ROBO1: variants seen among roughly 807,000 people sequenced by gnomAD.
ROBO1 encodes roundabout homolog 1.
Under a neutral mutation model 195.9 loss-of-function variants are expected in ROBO1, and 149 were observed. That is an observed-to-expected ratio of 0.76 (90% CI 0.67 to 0.87). The LOEUF (loss-of-function observed/expected upper bound fraction) is 0.87, where lower values mean the gene tolerates loss of function less well. Ranked by LOEUF, ROBO1 falls within the 40% of genes least tolerant of loss-of-function variation. ROBO1 has a pLI of 0.00. For missense variants in ROBO1, 1,933 were observed against 2,068.3 expected, an observed-to-expected ratio of 0.93 and a Z score of 1.27; for synonymous variants, 816 against 733.2, an observed-to-expected ratio of 1.11 and a Z score of -1.82.
At chr3:79,310,418 C>T (rs897729223) in intron 2 of ROBO1, among the ~76,000 whole-genome samples, 1 of 152,202 alleles carries the variant, frequency 6.6e-6, no homozygotes, top group Non-Finnish European at 1.5e-5. Context: ...TCACTTATCA[C>T]TGGCAGTTGA....
intron 4 of ROBO1, among the ~76,000 whole-genome samples, chr3:78,757,446 C>G (rs1160920826): frequency 6.6e-6 from 1 of 151,678 alleles, no homozygotes; most frequent in African/African-American, 2.4e-5. Flanking sequence ...CACACACACA[C>G]ACACACACAC....
chr3:79,636,901 T>C (rs1391327122), intron 1 of ROBO1, among the ~76,000 whole-genome samples: 2 of 152,346 alleles, frequency 1.3e-5, no homozygotes, highest in Middle Eastern at 3.4e-3. Context: ...TTGTAAATTA[T>C]ATGTCCTCAC....
Position 79,128,158 on chromosome 3 carries a change from C to A in ROBO1, c.89-2619G>T, listed in dbSNP as rs1469247029. On this transcript the variant is annotated intron_variant, in intron 2 of 30. Transcript: ENST00000464233. ...ATGCGAGCTATGGACTAGAAGATAG[C>A]AAGGAAGAGACTATTGTGTGTTTAC... Among the ~76,000 whole-genome samples the A allele has an allele frequency of 4.6e-5, 7 of 152,198 alleles. No individual in the cohort carries two copies. In the East Asian group the frequency reaches 1.4e-3, roughly 29 times the overall value.
At chr3:79,270,821 C>G (rs2030483017) in intron 2 of ROBO1, among the ~76,000 whole-genome samples, 2 of 152,018 alleles carry the variant, frequency 1.3e-5, no homozygotes, top group South Asian at 2.1e-4. Context: ...AAGAGAATGG[C>G]TTTTTCGGCT....
rs536948428 is a variant in ROBO1, at chr3:79,060,151, C to T, written c.172+65305G>A. ...GTCTCCTGCAGCATCCCCAGGCTTG[C>T]TAGGATTGAGAAATTCCAGCCTGGT... On this transcript the variant is annotated intron_variant, in intron 3 of 30. Coordinates refer to ENST00000464233, the MANE Select transcript of ROBO1 (RefSeq NM_002941.4). Among the ~76,000 whole-genome samples the T allele has an allele frequency of 5.9e-5, 9 of 152,082 alleles. No individual in the cohort carries two copies. The East Asian group carries it at 9.7e-4, about 16-fold the overall frequency.
At chr3:79,544,491 A>G (rs1942190062) in intron 2 of ROBO1, among the ~76,000 whole-genome samples, 1 of 152,010 alleles carries the variant, frequency 6.6e-6, no homozygotes, top group Non-Finnish European at 1.5e-5. Flanking sequence ...AGTGTTTTCA[A>G]ATAACAATAT....
chr3:78,731,352 G>A (rs1435124664), intron 5 of ROBO1, among the ~76,000 whole-genome samples: 2 of 152,128 alleles, frequency 1.3e-5, no homozygotes, highest in Admixed American at 6.5e-5. Context: ...CATATAAACC[G>A]ATCTTAAGAG....
At chr3:78,838,726 T>A (rs2032947013) in intron 4 of ROBO1, among the ~76,000 whole-genome samples, 1 of 152,176 alleles carries the variant, frequency 6.6e-6, no homozygotes, top group South Asian at 2.1e-4. Flanking sequence ...AACAATGGGA[T>A]CAAAGTCCAA....
rs186459709 is a variant in ROBO1, at chr3:78,598,784, G to A, written c.*129C>T. On this transcript the variant is annotated 3_prime_UTR_variant, in exon 31 of 31. Coordinates refer to ENST00000464233, the MANE Select transcript of ROBO1 (RefSeq NM_002941.4). ...AGTTTTTAAAATGATATCCCAATAA[G>A]AGGAATAAAAACGACAATTTGTACA... The A allele has an allele frequency of 2.5e-4, 136 of 553,948 alleles. No homozygotes were observed. Among genetic ancestry groups the A allele is most frequent in the African/African-American group, 1.9e-3 (99 of 51,858 alleles). The allele number at this position is 553,948 out of a possible 1,614,324, so 34.3% of individuals were successfully genotyped here.
At chr3:79,036,838 CA>C (rs1359040575) in intron 3 of ROBO1, among the ~76,000 whole-genome samples, 1 of 152,036 alleles carries the variant, frequency 6.6e-6, no homozygotes, top group African/African-American at 2.4e-5. Flanking sequence ...GTTGAACACA[CA>C]AGGGGTGAAA....
Position 79,355,784 on chromosome 3 carries a change from A to T in ROBO1, c.89-230245T>A, listed in dbSNP as rs114338298. On this transcript the variant is annotated intron_variant, in intron 2 of 30. Coordinates refer to ENST00000464233, the MANE Select transcript of ROBO1 (RefSeq NM_002941.4). ...ATAGTGTTCCATTATGTATATATAC[A>T]TCACATTTTCTTTATCCATTCACCC... Among the ~76,000 whole-genome samples the T allele has an allele frequency of 6.2e-3, 937 of 152,264 alleles. 8 individuals are homozygous for T. The highest frequency in any genetic ancestry group is 0.034 in the Middle Eastern group (10 of 294).
At chr3:79,321,169 C>G (rs549277630) in intron 2 of ROBO1, among the ~76,000 whole-genome samples, 1 of 152,024 alleles carries the variant, frequency 6.6e-6, no homozygotes, top group East Asian at 1.9e-4. Flanking sequence ...TAAGTGGGCA[C>G]TGAATAAATG....
chr3:79,611,819 A>G (rs1944666967), intron 1 of ROBO1, among the ~76,000 whole-genome samples: 1 of 152,072 alleles, frequency 6.6e-6, no homozygotes, highest in Non-Finnish European at 1.5e-5. Context: ...GCAAACCACC[A>G]TGGCACGTGT....
chr3:79,347,282 CGTGT>C (rs141540026), intron 2 of ROBO1, among the ~76,000 whole-genome samples: 1 of 152,072 alleles, frequency 6.6e-6, no homozygotes, highest in South Asian at 2.1e-4. Context: ...TCCTCTTCAA[CGTGT>C]GTGTGTATGA....
At chr3:79,351,982 A>G (rs989424242) in intron 2 of ROBO1, among the ~76,000 whole-genome samples, 1 of 152,208 alleles carries the variant, frequency 6.6e-6, no homozygotes, top group East Asian at 1.9e-4. Flanking sequence ...GCTAACTGCC[A>G]TTCTACATAA....
chr3:79,174,551 G>C (rs981476822), intron 2 of ROBO1, among the ~76,000 whole-genome samples: 1 of 152,074 alleles, frequency 6.6e-6, no homozygotes. Context: ...AAATAGCTTA[G>C]AATTTTACTT....
chr3:78,699,857 C>T (rs1263369352), intron 8 of ROBO1, among the ~76,000 whole-genome samples: 4 of 151,846 alleles, frequency 2.6e-5, no homozygotes, highest in Non-Finnish European at 5.9e-5. Flanking sequence ...TCCCCTTTCA[C>T]CCATATAATT....
chr3:79,023,267 G>C (rs373373472), intron 3 of ROBO1, among the ~76,000 whole-genome samples: 1 of 152,166 alleles, frequency 6.6e-6, no homozygotes, highest in Non-Finnish European at 1.5e-5. Flanking sequence ...AGTAATCTGC[G>C]TGATCCTTGG....
chr3:78,631,202 T>TGGAGGAGGATGTGCTGGG lies in ROBO1; in HGVS notation c.3567_3584dup (p.Pro1190_Pro1195dup). The stretch of plus-strand genomic sequence containing the variant: ...TGTTGTACTCTTCGCTATTGCTGTG[T>TGGAGGAGGATGTGCTGGG]GGAGGAGGATGTGCTGGGGGAGGAG... On this transcript the variant is annotated inframe_insertion, in exon 25 of 31. Coordinates refer to ENST00000464233, the MANE Select transcript of ROBO1 (RefSeq NM_002941.4). 6.2e-7 allele frequency: 1 copy of TGGAGGAGGATGTGCTGGG among 1,613,022 alleles called. No individual in the cohort carries two copies. Among genetic ancestry groups the TGGAGGAGGATGTGCTGGG allele is most frequent in the Admixed American group, 1.7e-5 (1 of 59,872 alleles).
Sources: gnomAD v4.1 joint callset for allele counts (sites outside exome capture counted in the v4.1 genomes callset) on GRCh38, gnomAD v4.1.1 for gene constraint, MANE v1.5 for transcripts, NCBI Gene and HGNC (gene_info 2026-07-23, HGNC 2026-07-21) for gene names.